The following PHLDB2 variants were observed in gnomAD, a reference collection of about 807,000 sequenced individuals.
PHLDB2 encodes pleckstrin homology like domain family B member 2.
Under a neutral mutation model 123.6 loss-of-function variants are expected in PHLDB2, and 71 were observed. The observed-to-expected ratio is 0.57, with a 90% CI of 0.47 to 0.70. The LOEUF (loss-of-function observed/expected upper bound fraction) is 0.70, where lower values mean the gene tolerates loss of function less well. Among genes scored for constraint, PHLDB2 ranks in the 30% least tolerant of loss-of-function variants. The pLI, the probability that PHLDB2 is intolerant of heterozygous loss-of-function variation, is 0.00. For synonymous variants in PHLDB2, 547 were observed against 541.6 expected (o/e 1.01, Z -0.14); for missense variants, 1,446 against 1,519.5 (o/e 0.95, Z 0.80).
intron 1 of PHLDB2, among the ~76,000 whole-genome samples, chr3:111,796,427 C>T (rs554055397): frequency 2.4e-4 from 37 of 152,340 alleles, no homozygotes; most frequent in African/African-American, 8.4e-4. Flanking sequence ...GATGTTATCC[C>T]TTTCCTAATT....
At chr3:111,786,388 A>G (rs1227119749) in intron 1 of PHLDB2, among the ~76,000 whole-genome samples, 3 of 152,178 alleles carry the variant, frequency 2.0e-5, no homozygotes, top group Non-Finnish European at 4.4e-5. Flanking sequence ...GACTATACTG[A>G]CATCCTACTG....
rs1314734938 is a variant in PHLDB2 at position 111,913,678 on chromosome 3, C to A, written c.1695C>A (p.Ser565=). Residue 565 remains serine, a synonymous_variant, in exon 3 of 18, where the codon TCC becomes TCA. Coordinates refer to ENST00000431670, the MANE Select transcript of PHLDB2 (RefSeq NM_001134438.2). ...CCTTTCCGAAAGCTTCCAGCGAGTCCTCTTATCTAAGTATCCTACCAAAGG... is the reference window on the plus strand; with the variant it reads ...CCTTTCCGAAAGCTTCCAGCGAGTCATCTTATCTAAGTATCCTACCAAAGG... ...SSTFPKASSE[S]SYLSILPKTP... 6.2e-7 allele frequency: 1 copy of A among 1,613,000 alleles called. No individual in the cohort carries two copies. The highest frequency in any genetic ancestry group is 8.5e-7 in the Non-Finnish European group (1 of 1,179,230).
At chr3:111,863,645 G>A (rs2064938717) in intron 1 of PHLDB2, among the ~76,000 whole-genome samples, 1 of 152,132 alleles carries the variant, frequency 6.6e-6, no homozygotes, top group Non-Finnish European at 1.5e-5. Flanking sequence ...GTTAGATAGC[G>A]GCAGAATCTG....
rs1395033668 is a variant in PHLDB2 at position 111,866,928 on chromosome 3, GGGGT to G, written c.-15+7354_-15+7357del. Among the ~76,000 whole-genome samples, 166 of 81,186 alleles carry G rather than the reference GGGGT, an allele frequency of 2.0e-3. 1 individual carries two copies. Among genetic ancestry groups the G allele is most frequent in the South Asian group, 7.8e-3 (18 of 2,300 alleles). The allele number at this position is 81,186 out of a possible 152,430, so 53.3% of individuals were successfully genotyped here. On this transcript the variant is annotated intron_variant, in intron 1 of 17. Transcript: ENST00000431670. ...TCTCTTCCTTAACATAAGTTTCTAA[GGGGT>G]GTGTGTGTGTGTGTGTGTGTGTGTG...
chr3:111,899,554 C>T (rs777049742), intron 2 of PHLDB2, among the ~76,000 whole-genome samples: 3 of 152,102 alleles, frequency 2.0e-5, no homozygotes, highest in East Asian at 1.9e-4. Context: ...GCTTTGTTGG[C>T]GCCACTTACA....
chr3:111,743,882 T>A (rs2059642968), intron 1 of PHLDB2, among the ~76,000 whole-genome samples: 1 of 152,240 alleles, frequency 6.6e-6, no homozygotes, highest in African/African-American at 2.4e-5. Flanking sequence ...ATCACACTCT[T>A]AATGAACAAT....
chr3:111,917,849 C>G (rs943063789), intron 3 of PHLDB2, among the ~76,000 whole-genome samples: 1 of 151,992 alleles, frequency 6.6e-6, no homozygotes, highest in South Asian at 2.1e-4. Context: ...TTTAGTGAAC[C>G]TAGTAAAATA....
intron 2 of PHLDB2, among the ~76,000 whole-genome samples, chr3:111,886,381 A>G (rs1347430743): frequency 6.6e-6 from 1 of 152,196 alleles, no homozygotes; most frequent in Non-Finnish European, 1.5e-5. Context: ...CACAAGGCCC[A>G]CAATGGCTTT....
chr3:111,919,325 C>G (rs747220215), intron 4 of PHLDB2, 110 bp downstream of exon 4: 1 of 1,116,974 alleles, frequency 9.0e-7, no homozygotes, highest in African/African-American at 1.6e-5. Context: ...TCAACACAAG[C>G]AAACATTTAT....
chr3:111,953,353 G>A (rs963287884), intron 11 of PHLDB2, among the ~76,000 whole-genome samples: 3 of 152,128 alleles, frequency 2.0e-5, no homozygotes, highest in Non-Finnish European at 4.4e-5. Context: ...TTCTGAATGA[G>A]ACAGACTTTT....
At chr3:111,914,034 G>A (rs1326108112) in intron 3 of PHLDB2, 1 of 291,010 alleles carries the variant, frequency 3.4e-6, no homozygotes, top group East Asian at 7.7e-5. Flanking sequence ...TATTTTCTGT[G>A]TATATATGGC....
At position 111,911,768 on chromosome 3, in the gene PHLDB2, C is replaced by CT; in HGVS notation, c.1336-1550dup. On this transcript the variant is annotated intron_variant, in intron 2 of 17. Transcript: ENST00000431670. ...TAGTTTATTAGTCCTTTTGATCAAG[C>CT]TATTGCTCTTTTGTTTTTTTTGTTG... 4 of 1,488,336 alleles carry CT rather than the reference C, an allele frequency of 2.7e-6. No homozygotes were observed. The South Asian group carries it at 4.8e-5, about 18-fold the overall frequency. The allele number at this position is 1,488,336 out of a possible 1,614,324, so 92.2% of individuals were successfully genotyped here. A position where few individuals can be genotyped will look rare whatever the true frequency, so the allele number is the denominator to read the frequency against.
Position 111,884,866 on chromosome 3 carries a change from A to C in PHLDB2, c.789A>C (p.Thr263=), listed in dbSNP as rs1028876853. Residue 263 remains threonine, a synonymous_variant, in exon 2 of 18, where the codon ACA becomes ACC. Transcript: ENST00000431670. ...CACTTCCCAGGTTGTACAGAGCCAC[A>C]GAGAACCAGCTGACACCTCTCAGCT... is the stretch of plus-strand genomic sequence containing the variant. The part of the protein sequence containing the change: ...SRSLPRLYRA[T]ENQLTPLSLP... 6.2e-6 allele frequency: 10 copies of C among 1,614,194 alleles called. No individual in the cohort carries two copies. The highest frequency in any genetic ancestry group is 8.5e-6 in the Non-Finnish European group (10 of 1,180,028).
Position 111,920,397 on chromosome 3 carries a change from A to G in PHLDB2, c.1979A>G (p.Asn660Ser). Reference sequence around the variant, plus strand: ...CGGAAAATAGCTGAACTGGAAAAGAACATTGTTGGTGAAAAGACCAAGGTA... The same window carrying G: ...CGGAAAATAGCTGAACTGGAAAAGAGCATTGTTGGTGAAAAGACCAAGGTA... Reference protein sequence around the residue: ...LNRKIAELEKNIVGEKTKEKV... With the variant: ...LNRKIAELEKSIVGEKTKEKV... Residue 660 changes from asparagine (N) to serine (S), a missense_variant, in exon 5 of 18, where the codon AAC becomes AGC. Around this residue, in one of 3 missense-constraint regions of PHLDB2, gnomAD observed 832 missense variants for 831.9 expected, o/e 1.00. Coordinates refer to ENST00000431670, the MANE Select transcript of PHLDB2 (RefSeq NM_001134438.2). The G allele has an allele frequency of 1.2e-6, 2 of 1,613,708 alleles. No homozygotes were observed. Among genetic ancestry groups the G allele is most frequent in the Non-Finnish European group, 1.7e-6 (2 of 1,179,868 alleles).
chr3:111,838,874 T>C (rs56047120), intron 1 of PHLDB2, among the ~76,000 whole-genome samples: 182 of 152,334 alleles, frequency 1.2e-3, no homozygotes, highest in African/African-American at 4.3e-3. Context: ...TTTAGGAGAA[T>C]CATTTTGGAA....
chr3:111,920,293 A>T lies in PHLDB2; in HGVS notation c.1875A>T (p.Glu625Asp). ...MDESFRELDM[E>D]CALLDGEQKS... Reference sequence around the variant, plus strand: ...GTTTGTGTCCTTAGTTGGATATGGAATGTGCTCTTTTGGATGGAGAACAGA... The same window carrying T: ...GTTTGTGTCCTTAGTTGGATATGGATTGTGCTCTTTTGGATGGAGAACAGA... The change falls in exon 5 of 18, where the codon GAA (glutamate) becomes GAT (aspartate). Residue 625 changes from glutamate to aspartate, a missense_variant. This residue lies in a region of PHLDB2 where 832 missense variants were observed against 831.9 expected (regional missense o/e 1.00). Coordinates refer to ENST00000431670, the MANE Select transcript of PHLDB2 (RefSeq NM_001134438.2). 1 of 1,613,706 alleles carries T rather than the reference A, an allele frequency of 6.2e-7. No individual in the cohort carries two copies. The highest frequency in any genetic ancestry group is 1.1e-5 in the South Asian group (1 of 90,902).
chr3:111,738,563 T>G (rs4682302), intron 1 of PHLDB2, among the ~76,000 whole-genome samples: 99,307 of 152,082 alleles, frequency 0.65, 34,455 homozygotes, highest in Non-Finnish European at 0.77. Flanking sequence ...ATGAGAAGGT[T>G]TTAAATTTAT....
At chr3:111,960,237 G>A in intron 12 of PHLDB2, 2 of 506,634 alleles carry the variant, frequency 3.9e-6, no homozygotes, top group Non-Finnish European at 5.1e-6. Flanking sequence ...GCAGCTTCAC[G>A]CATGTGACTA....
chr3:111,873,325 G>A (rs2065437863), intron 1 of PHLDB2, among the ~76,000 whole-genome samples: 1 of 149,576 alleles, frequency 6.7e-6, no homozygotes, highest in Non-Finnish European at 1.5e-5. Flanking sequence ...ACTTCCTGGG[G>A]TAGTAGGGAA....
Sources: allele counts gnomAD v4.1 joint callset (sites outside exome capture counted in the v4.1 genomes callset), GRCh38; gene constraint gnomAD v4.1.1; regional missense constraint gnomAD v4.1.1; transcripts MANE v1.5; gene names NCBI Gene and HGNC (gene_info 2026-07-23, HGNC 2026-07-21).